Variants in GRID2 observed in about 807,000 individuals in gnomAD.
The protein encoded by GRID2 is glutamate receptor ionotropic, delta-2.
In GRID2, 33 loss-of-function variants were observed where a neutral mutation model predicts 114.8. That is an observed-to-expected ratio of 0.29 (90% CI 0.22 to 0.38). The LOEUF is 0.38. GRID2 is among the 10% of genes least tolerant of loss of function. The probability of loss-of-function intolerance (pLI) is 1.00; values close to 1 mark genes in which losing one functional copy is unlikely to be tolerated. For missense variants in GRID2, 1,184 were observed against 1,257.7 expected (o/e 0.94, Z 0.89); for synonymous variants, 505 against 449.9 (o/e 1.12, Z -1.55).
At chr4:93,297,864 C>T (rs1010807595) in intron 8 of GRID2, among the ~76,000 whole-genome samples, 1 of 152,148 alleles carries the variant, frequency 6.6e-6, no homozygotes, top group Non-Finnish European at 1.5e-5. Flanking sequence ...TTAAAATTCA[C>T]TTAGGAAATC....
At chr4:93,731,051 C>T (rs745501674) in intron 14 of GRID2, among the ~76,000 whole-genome samples, 78 of 152,210 alleles carry the variant, frequency 5.1e-4, no homozygotes, top group Non-Finnish European at 9.6e-4. Flanking sequence ...AAATCACTCA[C>T]AGGTTTTTGG....
intron 9 of GRID2, among the ~76,000 whole-genome samples, chr4:93,400,458 A>T (rs1409676647): frequency 6.6e-6 from 1 of 152,076 alleles, no homozygotes; most frequent in Admixed American, 6.6e-5. Context: ...AATTATGAAG[A>T]TTTTCCCGTT....
chr4:92,511,999 C>A (rs1724275808), intron 1 of GRID2, among the ~76,000 whole-genome samples: 1 of 151,682 alleles, frequency 6.6e-6, no homozygotes. Flanking sequence ...TGACATTCAC[C>A]ATTCTACATC....
intron 14 of GRID2, among the ~76,000 whole-genome samples, chr4:93,644,812 A>G (rs1420198731): frequency 6.6e-6 from 1 of 152,152 alleles, no homozygotes; most frequent in African/African-American, 2.4e-5. Context: ...AATTTAGGAC[A>G]AGGGGAATCA....
At chr4:93,722,438 T>A (rs1454224398) in intron 14 of GRID2, among the ~76,000 whole-genome samples, 2 of 152,214 alleles carry the variant, frequency 1.3e-5, no homozygotes, top group Non-Finnish European at 2.9e-5. Context: ...TTATTTCTAA[T>A]AAATATGGCC....
At chr4:92,336,486 T>G (rs1727171247) in intron 1 of GRID2, among the ~76,000 whole-genome samples, 2 of 152,190 alleles carry the variant, frequency 1.3e-5, no homozygotes, top group South Asian at 4.1e-4. Flanking sequence ...ATTTCTGTAC[T>G]ATTCCATAGC....
intron 2 of GRID2, among the ~76,000 whole-genome samples, chr4:92,784,037 C>A (rs2149360240): frequency 6.6e-6 from 1 of 151,998 alleles, no homozygotes; most frequent in Middle Eastern, 3.4e-3. Context: ...ACAAACTTAT[C>A]TGAATTTTAC....
At position 92,371,916 on chromosome 4, in the gene GRID2, T is replaced by C. The variant is rs559169626; in HGVS notation, c.88+67172T>C. Among the ~76,000 whole-genome samples the C allele has an allele frequency of 9.8e-5, 15 of 152,302 alleles. 1 individual carries two copies. In the South Asian group the frequency reaches 3.1e-3, roughly 32 times the overall value. On this transcript the variant is annotated intron_variant, in intron 1 of 15. Coordinates refer to ENST00000282020, the MANE Select transcript of GRID2 (RefSeq NM_001510.4). ...CATTATTCATGGGAGAAGATCAAAATATCCACATTAACAGGGCTTTGGAAG... is the reference window on the plus strand; with the variant it reads ...CATTATTCATGGGAGAAGATCAAAACATCCACATTAACAGGGCTTTGGAAG...
intron 13 of GRID2, among the ~76,000 whole-genome samples, chr4:93,599,708 G>A (rs1186597076): frequency 6.6e-6 from 1 of 152,128 alleles, no homozygotes; most frequent in Non-Finnish European, 1.5e-5. Context: ...AAAGAGATAT[G>A]ACCCTTGAGA....
Position 92,335,975 on chromosome 4 carries a change from C to T in GRID2, c.88+31231C>T, listed in dbSNP as rs1254560505. On this transcript the variant is annotated intron_variant, in intron 1 of 15. Coordinates refer to ENST00000282020, the MANE Select transcript of GRID2 (RefSeq NM_001510.4). ...TTATGTGTATACACTGACAAACTTA[C>T]AAATGCAAAAAAATTAAATTGCTGC... Among the ~76,000 whole-genome samples the T allele has an allele frequency of 2.0e-5, 3 of 152,174 alleles. No individual in the cohort carries two copies. The East Asian group carries it at 5.8e-4, about 29-fold the overall frequency.
chr4:93,803,410 GT>G (rs1318462421), intron 1 of GRID2, among the ~76,000 whole-genome samples: 1 of 152,148 alleles, frequency 6.6e-6, no homozygotes, highest in Non-Finnish European at 1.5e-5. Context: ...CATGGTCCAA[GT>G]TTTTTCTCCC....
chr4:93,787,543 T>C (rs1041570952), intron 1 of GRID2, among the ~76,000 whole-genome samples: 4 of 152,130 alleles, frequency 2.6e-5, no homozygotes, highest in Non-Finnish European at 4.4e-5. Context: ...CATCCCCCAT[T>C]TACCCTTACA....
intron 8 of GRID2, among the ~76,000 whole-genome samples, chr4:93,357,497 CT>C (rs1761455984): frequency 6.6e-6 from 1 of 151,034 alleles, no homozygotes; most frequent in African/African-American, 2.4e-5. Context: ...TGTTATCAAA[CT>C]ATTAATTTTC....
chr4:93,741,159 C>CTATATATA (rs879839195), intron 14 of GRID2, among the ~76,000 whole-genome samples: 19 of 47,168 alleles, frequency 4.0e-4, no homozygotes, highest in South Asian at 8.5e-4. Context: ...ACCTGAGAAA[C>CTATATATA]TATATATATA....
chr4:93,626,222 T>G (rs1374838534), intron 13 of GRID2, 47 bp from the exon 14 acceptor site: 3 of 1,064,652 alleles, frequency 2.8e-6, no homozygotes, highest in Middle Eastern at 2.1e-4. Flanking sequence ...AAATTAAAAT[T>G]CCAACTTTAA....
chr4:93,765,625 T>G (rs1733604269), intron 14 of GRID2, among the ~76,000 whole-genome samples: 1 of 148,832 alleles, frequency 6.7e-6, no homozygotes, highest in South Asian at 2.1e-4. Flanking sequence ...TATATATATA[T>G]ATATATATGA....
chr4:93,671,776 C>A (rs1188785231), intron 14 of GRID2, among the ~76,000 whole-genome samples: 5 of 151,818 alleles, frequency 3.3e-5, no homozygotes, highest in Non-Finnish European at 5.9e-5. Context: ...CAAGACTGGC[C>A]TGACCAACAT....
At chr4:93,452,610 T>C (rs550153797) in intron 10 of GRID2, among the ~76,000 whole-genome samples, 1 of 152,070 alleles carries the variant, frequency 6.6e-6, no homozygotes, top group East Asian at 1.9e-4. Context: ...AGCTCCTGTA[T>C]TGTGGAAGCA....
intron 8 of GRID2, among the ~76,000 whole-genome samples, chr4:93,260,569 A>G (rs1176548844): frequency 3.9e-5 from 6 of 151,914 alleles, no homozygotes; most frequent in African/African-American, 1.4e-4. Flanking sequence ...TTTATACTCA[A>G]ATTATCTGAC....
Sources: allele counts gnomAD v4.1 joint callset (sites outside exome capture counted in the v4.1 genomes callset), GRCh38; gene constraint gnomAD v4.1.1; transcripts MANE v1.5; gene names NCBI Gene and HGNC (gene_info 2026-07-23, HGNC 2026-07-21).